ZNF804B: variants seen among roughly 807,000 people sequenced by gnomAD.
The protein encoded by ZNF804B is zinc finger 804B.
In ZNF804B, 80 loss-of-function variants were observed where a neutral mutation model predicts 101.4. That is an observed-to-expected ratio of 0.79 (90% confidence interval 0.66 to 0.95). The LOEUF is 0.95. Ranked by LOEUF, ZNF804B falls within the 40% of genes least tolerant of loss-of-function variation. The pLI is 0.00. For synonymous variants in ZNF804B, 622 were observed against 558.8 expected, an observed-to-expected ratio of 1.11 and a Z score of -1.59; for missense variants, 1,673 against 1,561.9, an observed-to-expected ratio of 1.07 and a Z score of -1.20.
chr7:88,996,681 C>T (rs1156386606), intron 1 of ZNF804B, among the ~76,000 whole-genome samples: 1 of 152,104 alleles, frequency 6.6e-6, no homozygotes, highest in South Asian at 2.1e-4. Context: ...ATGCTGTTTA[C>T]TTTAAAGCTA....
intron 2 of ZNF804B, among the ~76,000 whole-genome samples, chr7:89,220,177 G>A (rs866725275): frequency 3.1e-5 from 1 of 31,840 alleles, no homozygotes; most frequent in African/African-American, 1.4e-4. Context: ...ATATATATGT[G>A]TGTATATATA....
At chr7:88,769,478 G>A (rs1790031607) in intron 1 of ZNF804B, among the ~76,000 whole-genome samples, 1 of 152,064 alleles carries the variant, frequency 6.6e-6, no homozygotes, top group South Asian at 2.1e-4. Context: ...TTTGCTGAAG[G>A]CCACAAGAAA....
intron 1 of ZNF804B, among the ~76,000 whole-genome samples, chr7:88,807,267 T>G (rs1344719897): frequency 6.6e-6 from 1 of 152,138 alleles, no homozygotes; most frequent in Non-Finnish European, 1.5e-5. Flanking sequence ...TTTTACTATT[T>G]AATAGTTAAG....
intron 1 of ZNF804B, among the ~76,000 whole-genome samples, chr7:88,926,051 A>C (rs1024866320): frequency 6.6e-6 from 1 of 152,124 alleles, no homozygotes; most frequent in African/African-American, 2.4e-5. Flanking sequence ...AAAATGTAAA[A>C]CAGAAATCTT....
In ZNF804B at chr7:89,336,372, C is replaced by T. The variant is rs772819489; in HGVS notation, c.3390C>T (p.Asp1130=). ...RTMQKPDKVE[D]GLEMCHKSIS... ...TGCAGAAACCTGACAAAGTCGAAGA[C>T]GGATTAGAAATGTGTCATAAATCTA... Residue 1130 remains aspartate (D), a synonymous_variant, in exon 4 of 4, where the codon GAC becomes GAT. Transcript: ENST00000333190. 4.8e-5 allele frequency: 77 copies of T among 1,613,886 alleles called. No individual in the cohort carries two copies. Among genetic ancestry groups the T allele is most frequent in the Middle Eastern group, 3.3e-4 (2 of 6,084 alleles).
At chr7:89,019,731 T>C (rs1788632871) in intron 1 of ZNF804B, among the ~76,000 whole-genome samples, 1 of 152,074 alleles carries the variant, frequency 6.6e-6, no homozygotes, top group African/African-American at 2.4e-5. Context: ...CAATGTCCTT[T>C]TTGTTTCTTT....
At chr7:89,069,517 T>C (rs1487210787) in intron 1 of ZNF804B, among the ~76,000 whole-genome samples, 2 of 152,204 alleles carry the variant, frequency 1.3e-5, no homozygotes, top group African/African-American at 4.8e-5. Context: ...TTAATGTTTA[T>C]TTCAATTTTG....
intron 1 of ZNF804B, among the ~76,000 whole-genome samples, chr7:88,995,580 G>C (rs1322470740): frequency 6.6e-6 from 1 of 151,926 alleles, no homozygotes; most frequent in Admixed American, 6.6e-5. Context: ...CCTCCAGTTG[G>C]ACTGAAGGTG....
At chr7:89,011,469 A>G (rs1281222720) in intron 1 of ZNF804B, among the ~76,000 whole-genome samples, 1 of 152,182 alleles carries the variant, frequency 6.6e-6, no homozygotes, top group African/African-American at 2.4e-5. Context: ...CTCATCTGAG[A>G]CAAGGAAGTC....
At chr7:89,327,275 G>A in intron 2 of ZNF804B, 69 bp from the exon 3 acceptor site, 3 of 1,425,572 alleles carry the variant, frequency 2.1e-6, no homozygotes, top group Non-Finnish European at 2.8e-6. Flanking sequence ...GAATAATAAG[G>A]AGCCTTGTGG....
intron 2 of ZNF804B, among the ~76,000 whole-genome samples, chr7:89,270,713 C>T (rs537919131): frequency 4.6e-5 from 7 of 152,220 alleles, no homozygotes; most frequent in African/African-American, 1.7e-4. Context: ...GACTATTTTT[C>T]CATTTGTTTG....
intron 1 of ZNF804B, among the ~76,000 whole-genome samples, chr7:88,774,205 T>C (rs906137325): frequency 5.9e-5 from 7 of 118,962 alleles, no homozygotes; most frequent in Non-Finnish European, 1.1e-4. Flanking sequence ...TTTTTAAGTT[T>C]TTTTTTTTTT....
At chr7:88,936,769 A>C (rs1029423664) in intron 1 of ZNF804B, among the ~76,000 whole-genome samples, 1 of 151,992 alleles carries the variant, frequency 6.6e-6, no homozygotes, top group Non-Finnish European at 1.5e-5. Context: ...ATAGAGTTCT[A>C]CCTTATGCTT....
At chr7:88,972,364 A>T (rs929734790) in intron 1 of ZNF804B, among the ~76,000 whole-genome samples, 2 of 151,508 alleles carry the variant, frequency 1.3e-5, no homozygotes, top group African/African-American at 4.8e-5. Flanking sequence ...GTAATACCCA[A>T]TTTATTTTAT....
Position 89,338,423 on chromosome 7 carries a change from C to T in ZNF804B, c.*1391C>T, listed in dbSNP as rs578097150. 6.6e-5 allele frequency among the ~76,000 whole-genome samples: 10 copies of T among 151,960 alleles called. No homozygotes were observed. In the East Asian group the frequency reaches 1.9e-3, roughly 29 times the overall value. On this transcript the variant is annotated 3_prime_UTR_variant, in exon 4 of 4. Coordinates refer to ENST00000333190, the MANE Select transcript of ZNF804B (RefSeq NM_181646.5). ...TTTTGAAATCAGTATTATCATTCCTCATTACAGATAAGGAAAATGAAATAG... is the reference window on the plus strand; with the variant it reads ...TTTTGAAATCAGTATTATCATTCCTTATTACAGATAAGGAAAATGAAATAG...
intron 1 of ZNF804B, among the ~76,000 whole-genome samples, chr7:89,138,948 G>A (rs562423566): frequency 7.9e-5 from 12 of 152,036 alleles, no homozygotes; most frequent in Non-Finnish European, 1.5e-4. Context: ...CCCAGTCTCT[G>A]GTATGTCTTT....
chr7:88,987,429 G>A (rs1793773474), intron 1 of ZNF804B, among the ~76,000 whole-genome samples: 1 of 151,994 alleles, frequency 6.6e-6, no homozygotes, highest in Admixed American at 6.6e-5. Context: ...AGAATCATTA[G>A]TCTTTCTTTG....
rs924493493 is a variant in ZNF804B, at chr7:89,313,967, G to A, written c.250-13377G>A. On this transcript the variant is annotated intron_variant, in intron 2 of 3. Coordinates refer to ENST00000333190, the MANE Select transcript of ZNF804B (RefSeq NM_181646.5). ...TAAAAAAATCTAAAGACATGAATTA[G>A]ATGCTTGGACATGTCTTTTACTTTA... is the stretch of plus-strand genomic sequence containing the variant. 4.6e-5 allele frequency among the ~76,000 whole-genome samples: 7 copies of A among 152,182 alleles called. No individual in the cohort carries two copies. In the South Asian group the frequency reaches 1.5e-3, roughly 32 times the overall value.
chr7:89,265,286 GT>G (rs1789772176), intron 2 of ZNF804B, among the ~76,000 whole-genome samples: 1 of 102,500 alleles, frequency 9.8e-6, no homozygotes, highest in Admixed American at 1.2e-4. Context: ...GTGTGTGTGT[GT>G]GTGTGTGCGC....
Sources: allele counts gnomAD v4.1 joint callset (sites outside exome capture counted in the v4.1 genomes callset), GRCh38; gene constraint gnomAD v4.1.1; transcripts MANE v1.5; gene names NCBI Gene and HGNC (gene_info 2026-07-23, HGNC 2026-07-21).